DTNA: variants seen among roughly 807,000 people sequenced by gnomAD.
The protein encoded by DTNA is dystrophin-related protein 3.
A neutral mutation model predicts 100.7 loss-of-function variants in DTNA; 43 were observed. The observed-to-expected ratio is 0.43, with a 90% CI of 0.33 to 0.55. The LOEUF is 0.55. Ranked by LOEUF, DTNA falls within the 20% of genes least tolerant of loss-of-function variation. The pLI, the probability that DTNA is intolerant of heterozygous loss-of-function variation, is 0.04. For synonymous variants in DTNA, 349 were observed against 347.9 expected (o/e 1.00, Z -0.04); for missense variants, 798 against 953.9 (o/e 0.84, Z 2.15).
chr18:34,794,221 C>T lies in DTNA; in HGVS notation c.333C>T (p.Leu111=), dbSNP rs2149041765. The change falls in exon 4 of 23, where the codon CTC becomes CTT. Residue 111 remains leucine, a synonymous_variant. Transcript: ENST00000444659. ...QIHVEQSISL[L]LNFLLAAFDP... is the part of the protein sequence containing the mutation. ...ATGTGGAGCAGTCCATCAGCCTCCT[C>T]CTTAACTTCCTGCTTGCAGCGTTTG... 6.2e-7 allele frequency: 1 copy of T among 1,614,120 alleles called. No individual in the cohort carries two copies. Among genetic ancestry groups the T allele is most frequent in the South Asian group, 1.1e-5 (1 of 91,080 alleles).
intron 1 of DTNA, among the ~76,000 whole-genome samples, chr18:34,588,270 C>T (rs1369310548): frequency 6.6e-6 from 1 of 152,102 alleles, no homozygotes; most frequent in East Asian, 1.9e-4. Context: ...AATCACAAAA[C>T]ACTCAGACAG....
intron 3 of DTNA, among the ~76,000 whole-genome samples, chr18:34,766,507 A>G (rs1352029940): frequency 6.6e-6 from 1 of 150,770 alleles, no homozygotes; most frequent in African/African-American, 2.5e-5. Flanking sequence ...GGAACATCAC[A>G]CTCCGGGGCC....
chr18:34,881,931 T>TA, intron 20 of DTNA, 138 bp from the exon 21 acceptor site: 1 of 1,157,262 alleles, frequency 8.6e-7, no homozygotes, highest in Non-Finnish European at 1.3e-6. Flanking sequence ...TTTTAGGTAT[T>TA]ACTAAAGAAG....
Position 34,517,959 on chromosome 18 carries a change from ATG to A in DTNA, c.-2+24446_-2+24447del, listed in dbSNP as rs560552109. On this transcript the variant is annotated intron_variant, in intron 1 of 19. Transcript: ENST00000283365. The stretch of plus-strand genomic sequence containing the variant: ...GTAAACTTTCATTTCTCTGGGATAA[ATG>A]CCCAACAGTGCAATTGCTGGATGTT... Among the ~76,000 whole-genome samples the A allele has an allele frequency of 7.2e-5, 11 of 152,278 alleles. No individual in the cohort carries two copies. In the East Asian group the frequency reaches 2.1e-3, roughly 29 times the overall value.
At chr18:34,823,027 G>A (rs976684283) in intron 9 of DTNA, among the ~76,000 whole-genome samples, 1 of 152,158 alleles carries the variant, frequency 6.6e-6, no homozygotes, top group Non-Finnish European at 1.5e-5. Context: ...AGAATGTTAA[G>A]TCTATATTAG....
At chr18:34,644,769 G>A (rs779280915) in intron 1 of DTNA, among the ~76,000 whole-genome samples, 7 of 151,960 alleles carry the variant, frequency 4.6e-5, no homozygotes, top group South Asian at 2.1e-4. Context: ...TGGCATTAGC[G>A]TTTCCTAGTA....
At chr18:34,661,838 C>T (rs2075241329) in intron 1 of DTNA, among the ~76,000 whole-genome samples, 1 of 152,094 alleles carries the variant, frequency 6.6e-6, no homozygotes, top group Non-Finnish European at 1.5e-5. Context: ...TGGCAGCTTT[C>T]AAACCCTGCC....
chr18:34,696,430 T>C (rs2080552821), intron 1 of DTNA, among the ~76,000 whole-genome samples: 1 of 151,814 alleles, frequency 6.6e-6, no homozygotes, highest in Non-Finnish European at 1.5e-5. Flanking sequence ...ATACAAAAAT[T>C]AGCTGGGCCT....
intron 1 of DTNA, among the ~76,000 whole-genome samples, chr18:34,607,203 C>T (rs549557146): frequency 6.6e-6 from 1 of 152,268 alleles, no homozygotes; most frequent in Non-Finnish European, 1.5e-5. Context: ...CTGTTTGTGT[C>T]CTTAGAATTC....
intron 15 of DTNA, among the ~76,000 whole-genome samples, chr18:34,857,329 G>A (rs2096564581): frequency 6.6e-6 from 1 of 152,220 alleles, no homozygotes; most frequent in East Asian, 1.9e-4. Context: ...AAAATGGAAA[G>A]CTACTTCCTT....
chr18:34,659,353 G>C (rs2144418225), intron 1 of DTNA, among the ~76,000 whole-genome samples: 1 of 151,886 alleles, frequency 6.6e-6, no homozygotes, highest in African/African-American at 2.4e-5. Context: ...TTCCTTTTTT[G>C]TACTGTATGC....
At chr18:34,601,873 G>C (rs551062051) in intron 1 of DTNA, among the ~76,000 whole-genome samples, 5 of 152,186 alleles carry the variant, frequency 3.3e-5, no homozygotes, top group Non-Finnish European at 7.3e-5. Context: ...AGGAGACTCC[G>C]TTGGGGCAAT....
chr18:34,647,307 CTA>C (rs1217733130), intron 1 of DTNA, among the ~76,000 whole-genome samples: 2 of 152,132 alleles, frequency 1.3e-5, no homozygotes, highest in Non-Finnish European at 2.9e-5. Context: ...TGGCTTTCCT[CTA>C]TGTGATGATT....
chr18:34,514,215 T>C (rs2041369120), intron 1 of DTNA, among the ~76,000 whole-genome samples: 1 of 152,118 alleles, frequency 6.6e-6, no homozygotes. Context: ...TGTGTGCATG[T>C]GTTTGTGTAT....
chr18:34,552,537 C>T lies in DTNA; in HGVS notation c.-2+59023C>T, dbSNP rs1480690769. 5.0e-5 allele frequency among the ~76,000 whole-genome samples: 6 copies of T among 121,124 alleles called. No individual in the cohort carries two copies. In the Admixed American group the frequency reaches 5.1e-4, roughly 10 times the overall value. The allele number at this position is 121,124 out of a possible 152,430, so 79.5% of individuals were successfully genotyped here. The stretch of plus-strand genomic sequence containing the variant: ...ATGCTATCCCTCCCCCCTCCCCCCA[C>T]CCCACCACAGTCCCCAGAGTGTGAT... On this transcript the variant is annotated intron_variant, in intron 1 of 19. Transcript: ENST00000283365.
intron 1 of DTNA, among the ~76,000 whole-genome samples, chr18:34,753,366 A>ATTTATTTATTTATTTT (rs2092499145): frequency 7.5e-6 from 1 of 133,150 alleles, no homozygotes; most frequent in African/African-American, 3.2e-5. Flanking sequence ...TATTTATTTT[A>ATTTATTTATTTATTTT]TTTTTTTTTT....
intron 1 of DTNA, among the ~76,000 whole-genome samples, chr18:34,667,046 T>C (rs2076034719): frequency 6.6e-6 from 1 of 152,244 alleles, no homozygotes; most frequent in Non-Finnish European, 1.5e-5. Context: ...TGATTCTTCC[T>C]ATCCATGAGC....
rs2095641418 is a variant in DTNA, at chr18:34,818,451, A to G, written c.876+121A>G. 7.8e-6 allele frequency: 12 copies of G among 1,541,796 alleles called. No individual in the cohort carries two copies. The East Asian group carries it at 9.8e-5, about 13-fold the overall frequency. On this transcript the variant is annotated intron_variant, in intron 8 of 22. Transcript: ENST00000444659. ...ACTTACCTTCCATCCCAGGTCTAGT[A>G]TTCAGTCCCCCTTCCTCCCACTCTC...
In DTNA at chr18:34,888,026, T is replaced by C. The variant is rs1327462266; in HGVS notation, c.*292T>C. The C allele has an allele frequency of 1.2e-5, 12 of 985,762 alleles. No individual in the cohort carries two copies. Among genetic ancestry groups the C allele is most frequent in the Non-Finnish European group, 1.4e-5 (12 of 829,966 alleles). 61.1% of individuals were successfully genotyped at this position (985,762 alleles called of 1,614,324 possible). A position where few individuals can be genotyped will look rare whatever the true frequency, so the allele number is the denominator to read the frequency against. On this transcript the variant is annotated 3_prime_UTR_variant, in exon 23 of 23. Transcript: ENST00000444659. ...GAAAAAAAAAGACTTCTGTTCAAAG[T>C]TAACTTATCAGCTACATCCTCTGTA...
Sources: gnomAD v4.1 joint callset for allele counts (sites outside exome capture counted in the v4.1 genomes callset) on GRCh38, gnomAD v4.1.1 for gene constraint, MANE v1.5 for transcripts, NCBI Gene and HGNC (gene_info 2026-07-23, HGNC 2026-07-21) for gene names.